The following ELP4 variants were observed in gnomAD, a reference collection of about 807,000 sequenced individuals.
The protein encoded by ELP4 is elongator acetyltransferase complex subunit 4, also known as elongator complex protein 4.
Under a neutral mutation model 48.9 loss-of-function variants are expected in ELP4, and 51 were observed. That is an observed-to-expected ratio of 1.04 (90% CI 0.83 to 1.32). ELP4 has a LOEUF of 1.32. Ranked by LOEUF, ELP4 falls within the 40% of genes most tolerant of loss-of-function variation. ELP4 has a pLI of 0.00. For synonymous variants in ELP4, 210 were observed against 189.2 expected (o/e 1.11, Z -0.90); for missense variants, 519 against 514.6 (o/e 1.01, Z -0.08).
At chr11:31,765,744 T>C (rs1347221514) in intron 9 of ELP4, among the ~76,000 whole-genome samples, 1 of 152,126 alleles carries the variant, frequency 6.6e-6, no homozygotes, top group Non-Finnish European at 1.5e-5. Context: ...AACTAAATAT[T>C]AATCTGCATA....
intron 9 of ELP4, chr11:31,763,672 T>C: frequency 9.7e-7 from 1 of 1,026,076 alleles, no homozygotes; most frequent in East Asian, 2.8e-5. Flanking sequence ...ATCACCTTTT[T>C]ACCAAAGATT....
At chr11:31,601,663 A>G (rs1957785741) in intron 4 of ELP4, among the ~76,000 whole-genome samples, 1 of 152,178 alleles carries the variant, frequency 6.6e-6, no homozygotes, top group African/African-American at 2.4e-5. Flanking sequence ...CTGAGTGCAT[A>G]GGACTTCAAG....
At chr11:31,674,936 C>A (rs1379239559) in intron 9 of ELP4, among the ~76,000 whole-genome samples, 3 of 151,770 alleles carry the variant, frequency 2.0e-5, no homozygotes, top group African/African-American at 7.3e-5. Flanking sequence ...TTTCTAGTAC[C>A]TAGTTAAAAA....
chr11:31,543,492 T>C (rs1471680755), intron 3 of ELP4, among the ~76,000 whole-genome samples: 1 of 152,100 alleles, frequency 6.6e-6, no homozygotes, highest in Non-Finnish European at 1.5e-5. Context: ...GCTAATTTTT[T>C]GTATTTTTAG....
chr11:31,531,757 G>A (rs1397119781), intron 2 of ELP4, among the ~76,000 whole-genome samples: 2 of 152,128 alleles, frequency 1.3e-5, no homozygotes. Context: ...TTTTTGAAAC[G>A]GGAGTGACAA....
At chr11:31,556,231 CA>C (rs1165654376) in intron 3 of ELP4, among the ~76,000 whole-genome samples, 1 of 151,744 alleles carries the variant, frequency 6.6e-6, no homozygotes, top group Non-Finnish European at 1.5e-5. Context: ...CTTAGAAAAT[CA>C]TATAGAACAA....
At chr11:31,746,928 AT>A (rs1308020874) in intron 9 of ELP4, among the ~76,000 whole-genome samples, 7 of 74,824 alleles carry the variant, frequency 9.4e-5, no homozygotes, top group East Asian at 4.1e-4. Flanking sequence ...AAAATAAAAA[AT>A]AAAACAAATT....
intron 1 of ELP4, among the ~76,000 whole-genome samples, chr11:31,515,189 T>A (rs1195560480): frequency 6.6e-6 from 1 of 152,056 alleles, no homozygotes; most frequent in Non-Finnish European, 1.5e-5. Flanking sequence ...GTGACCAAAC[T>A]TTACTACAGC....
At chr11:31,660,831 A>G (rs367896154) in intron 9 of ELP4, among the ~76,000 whole-genome samples, 305 of 152,196 alleles carry the variant, frequency 2.0e-3, no homozygotes, top group African/African-American at 7.0e-3. Context: ...ATCCAACTAG[A>G]TAGTGATTTG....
intron 9 of ELP4, among the ~76,000 whole-genome samples, chr11:31,774,408 A>T (rs192316892): frequency 6.6e-6 from 1 of 152,320 alleles, no homozygotes; most frequent in Admixed American, 6.5e-5. Flanking sequence ...CTTGGAGTGC[A>T]GGTGTAGAAA....
intron 9 of ELP4, among the ~76,000 whole-genome samples, chr11:31,694,032 G>A (rs1262573024): frequency 6.6e-6 from 1 of 152,016 alleles, no homozygotes; most frequent in African/African-American, 2.4e-5. Flanking sequence ...TTATAAATTT[G>A]TTTGAGTTCT....
intron 2 of ELP4, among the ~76,000 whole-genome samples, chr11:31,536,896 A>G (rs1323402113): frequency 6.6e-6 from 1 of 152,176 alleles, no homozygotes; most frequent in Non-Finnish European, 1.5e-5. Context: ...TCTACTATGT[A>G]TATGTATTGC....
intron 9 of ELP4, among the ~76,000 whole-genome samples, chr11:31,744,547 A>G (rs1276412357): frequency 6.6e-6 from 1 of 152,242 alleles, no homozygotes; most frequent in Non-Finnish European, 1.5e-5. Context: ...CACCATGATC[A>G]AGTGGGCTTC....
intron 3 of ELP4, among the ~76,000 whole-genome samples, chr11:31,564,457 G>A (rs1437940239): frequency 2.0e-5 from 3 of 151,164 alleles, no homozygotes; most frequent in Non-Finnish European, 2.9e-5. Context: ...ATATACATGT[G>A]CCATGTTGGT....
chr11:31,676,203 T>C (rs1945923104), intron 9 of ELP4, among the ~76,000 whole-genome samples: 1 of 152,226 alleles, frequency 6.6e-6, no homozygotes, highest in Admixed American at 6.5e-5. Context: ...GCCTGTTTCC[T>C]TTACCTGAAA....
chr11:31,588,747 C>T (rs1957519672), intron 3 of ELP4, among the ~76,000 whole-genome samples: 1 of 152,168 alleles, frequency 6.6e-6, no homozygotes, highest in South Asian at 2.1e-4. Flanking sequence ...CTTTGGGAGG[C>T]TAAGGCGGGC....
intron 6 of ELP4, among the ~76,000 whole-genome samples, chr11:31,630,717 A>G (rs1592173985): frequency 6.6e-6 from 1 of 152,082 alleles, no homozygotes; most frequent in South Asian, 2.1e-4. Context: ...AGGCAGGAGG[A>G]TTGCTTTAGT....
At chr11:31,752,397 A>G (rs898488201) in intron 9 of ELP4, among the ~76,000 whole-genome samples, 4 of 152,190 alleles carry the variant, frequency 2.6e-5, no homozygotes, top group Non-Finnish European at 5.9e-5. Flanking sequence ...CAAAGAGAAT[A>G]TATTTTTCTT....
chr11:31,591,846 A>C (rs969397292), intron 3 of ELP4, among the ~76,000 whole-genome samples: 2 of 152,182 alleles, frequency 1.3e-5, no homozygotes, highest in Non-Finnish European at 2.9e-5. Context: ...TTAAGAATAG[A>C]AATGATCCAT....
Sources: allele counts gnomAD v4.1 joint callset (sites outside exome capture counted in the v4.1 genomes callset), GRCh38; gene constraint gnomAD v4.1.1; transcripts MANE v1.5; gene names NCBI Gene and HGNC (gene_info 2026-07-23, HGNC 2026-07-21).